NTM: variants seen among roughly 807,000 people sequenced by gnomAD.
The protein encoded by NTM is neurotrimin.
NTM carries 13 observed loss-of-function variants against 42.1 expected under a neutral mutation model. That is an observed-to-expected ratio of 0.31 (90% CI 0.20 to 0.49). NTM has a LOEUF of 0.49. Among genes scored for constraint, NTM ranks in the 20% least tolerant of loss-of-function variants. The pLI, the probability that NTM is intolerant of heterozygous loss-of-function variation, is 0.99. For synonymous variants in NTM, 187 were observed against 179.2 expected (o/e 1.04, Z -0.35); for missense variants, 373 against 452.8 (o/e 0.82, Z 1.60).
chr11:132,321,600 T>C (rs369199851), intron 7 of NTM, among the ~76,000 whole-genome samples: 12 of 152,170 alleles, frequency 7.9e-5, no homozygotes, highest in South Asian at 4.1e-4. Flanking sequence ...TTGGAAAACA[T>C]TCTGCAGAAT....
intron 2 of NTM, among the ~76,000 whole-genome samples, chr11:132,129,778 T>A (rs145783300): frequency 6.6e-6 from 1 of 152,356 alleles, no homozygotes; most frequent in African/African-American, 2.4e-5. Context: ...AAGAAGAGCA[T>A]ACAGTACAGG....
intron 1 of NTM, among the ~76,000 whole-genome samples, chr11:131,592,910 C>G (rs1426847623): frequency 6.6e-6 from 1 of 152,136 alleles, no homozygotes; most frequent in African/African-American, 2.4e-5. Flanking sequence ...CCCTGCCAAT[C>G]TCCGGCCACG....
intron 2 of NTM, among the ~76,000 whole-genome samples, chr11:132,103,536 C>G (rs11222922): frequency 0.38 from 57,288 of 152,072 alleles, 11,232 homozygotes; most frequent in African/African-American, 0.46. Flanking sequence ...AAGTGAGCTT[C>G]AGGTTATATT....
intron 4 of NTM, among the ~76,000 whole-genome samples, chr11:132,238,325 C>A (rs564942772): frequency 6.6e-6 from 1 of 152,064 alleles, no homozygotes; most frequent in Non-Finnish European, 1.5e-5. Context: ...GAGAAGGAAG[C>A]AGGCAGAGGG....
chr11:132,055,144 G>C (rs2079431759), intron 2 of NTM, among the ~76,000 whole-genome samples: 1 of 152,196 alleles, frequency 6.6e-6, no homozygotes, highest in Admixed American at 6.5e-5. Context: ...GATCATATGT[G>C]GCTGTTTCTT....
chr11:132,298,710 T>C (rs1347468600), intron 4 of NTM, among the ~76,000 whole-genome samples: 1 of 151,972 alleles, frequency 6.6e-6, no homozygotes, highest in African/African-American at 2.4e-5. Context: ...GATTTCCCTA[T>C]CAAAAAAAAA....
intron 3 of NTM, among the ~76,000 whole-genome samples, chr11:132,193,134 AC>A (rs1279187871): frequency 1.3e-5 from 2 of 152,186 alleles, no homozygotes; most frequent in Non-Finnish European, 2.9e-5. Context: ...CAAACATGAC[AC>A]TTGACCGGTT....
chr11:131,938,284 C>T lies in NTM; in HGVS notation c.167+26636C>T, dbSNP rs947132083. On this transcript the variant is annotated intron_variant, in intron 2 of 8. Coordinates refer to ENST00000683400, the MANE Select transcript of NTM (RefSeq NM_001352005.2). ...CAGGAAAGGACTGTGGAGACGGGAACAGTGGACCTGAGCCCCGGGGGATGG... is the reference window on the plus strand; with the variant it reads ...CAGGAAAGGACTGTGGAGACGGGAATAGTGGACCTGAGCCCCGGGGGATGG... Among the ~76,000 whole-genome samples, 4 of 152,208 alleles carry T rather than the reference C, an allele frequency of 2.6e-5. No homozygotes were observed. In the East Asian group the frequency reaches 5.8e-4, roughly 22 times the overall value.
At chr11:131,723,510 TCCCTC>T (rs1263243848) in intron 1 of NTM, among the ~76,000 whole-genome samples, 1 of 152,212 alleles carries the variant, frequency 6.6e-6, no homozygotes, top group Non-Finnish European at 1.5e-5. Context: ...CCTTTGTCCT[TCCCTC>T]CCTCCCTTCC....
chr11:131,895,792 G>A (rs2052175174), intron 1 of NTM, among the ~76,000 whole-genome samples: 1 of 152,148 alleles, frequency 6.6e-6, no homozygotes. Flanking sequence ...GTTTCATGGA[G>A]GAAGTAGAAT....
chr11:131,412,182 A>T (rs1946494168), intron 1 of NTM, among the ~76,000 whole-genome samples: 1 of 152,120 alleles, frequency 6.6e-6, no homozygotes, highest in Non-Finnish European at 1.5e-5. Flanking sequence ...GCCAGAAGGG[A>T]TGTGAGAGCT....
intron 1 of NTM, among the ~76,000 whole-genome samples, chr11:131,473,993 T>C (rs1433468561): frequency 2.0e-5 from 3 of 152,202 alleles, no homozygotes; most frequent in African/African-American, 7.2e-5. Flanking sequence ...AATGGTCTTA[T>C]CTTTCTCCTT....
intron 1 of NTM, among the ~76,000 whole-genome samples, chr11:131,499,129 G>A (rs926233084): frequency 2.0e-4 from 30 of 152,264 alleles, no homozygotes; most frequent in African/African-American, 6.3e-4. Flanking sequence ...ACCACTAAGC[G>A]GGTGTCCATA....
intron 1 of NTM, among the ~76,000 whole-genome samples, chr11:131,423,488 T>G (rs1947742382): frequency 6.6e-6 from 1 of 152,170 alleles, no homozygotes; most frequent in Non-Finnish European, 1.5e-5. Flanking sequence ...TGTTTAAAGG[T>G]GTGGACCTGT....
intron 1 of NTM, among the ~76,000 whole-genome samples, chr11:131,433,894 C>T (rs1948894066): frequency 6.6e-6 from 1 of 152,190 alleles, no homozygotes; most frequent in Non-Finnish European, 1.5e-5. Flanking sequence ...GTTTGCTGCA[C>T]CCATTAACTC....
At chr11:131,912,101 C>T (rs1168812647) in intron 2 of NTM, among the ~76,000 whole-genome samples, 1 of 152,206 alleles carries the variant, frequency 6.6e-6, no homozygotes, top group Non-Finnish European at 1.5e-5. Context: ...TTTGCCAGCC[C>T]TGGCTCCTGC....
chr11:131,940,788 A>G (rs2059710809), intron 2 of NTM, among the ~76,000 whole-genome samples: 1 of 152,202 alleles, frequency 6.6e-6, no homozygotes, highest in Non-Finnish European at 1.5e-5. Context: ...GGGATTTGTC[A>G]CTGAATCTGG....
At chr11:131,973,826 A>G (rs1280443248) in intron 2 of NTM, among the ~76,000 whole-genome samples, 2 of 152,138 alleles carry the variant, frequency 1.3e-5, no homozygotes, top group East Asian at 3.9e-4. Flanking sequence ...GAGAAAAACA[A>G]CAACGAAAAA....
chr11:131,494,220 G>A (rs1210563103), intron 1 of NTM, among the ~76,000 whole-genome samples: 5 of 152,100 alleles, frequency 3.3e-5, no homozygotes, highest in African/African-American at 1.2e-4. Flanking sequence ...AAAACTTTGA[G>A]CTCCTACAAT....
Sources: gnomAD v4.1 joint callset for allele counts (sites outside exome capture counted in the v4.1 genomes callset) on GRCh38, gnomAD v4.1.1 for gene constraint, MANE v1.5 for transcripts, NCBI Gene and HGNC (gene_info 2026-07-23, HGNC 2026-07-21) for gene names.